CPNE5: variants seen among roughly 807,000 people sequenced by gnomAD.
The protein encoded by CPNE5 is copine 5.
In CPNE5, 42 loss-of-function variants were observed where a neutral mutation model predicts 81.1. The ratio of observed to expected loss-of-function variants is 0.52; its 90% CI spans 0.40 to 0.67. The LOEUF (loss-of-function observed/expected upper bound fraction) is 0.67, where lower values mean the gene tolerates loss of function less well. CPNE5 is among the 30% of genes least tolerant of loss of function. CPNE5 has a pLI of 0.00. For synonymous variants in CPNE5, 313 were observed against 321.5 expected (o/e 0.97, Z 0.28); for missense variants, 612 against 815.5 (o/e 0.75, Z 3.04).
intron 12 of CPNE5, among the ~76,000 whole-genome samples, chr6:36,760,052 CA>C (rs773932389): frequency 0.051 from 6,267 of 123,858 alleles, 213 homozygotes; most frequent in African/African-American, 0.11. Flanking sequence ...ACCAAAAATG[CA>C]AAAAAAAAAA....
chr6:36,805,578 G>A (rs1770520797), intron 3 of CPNE5, among the ~76,000 whole-genome samples: 1 of 152,198 alleles, frequency 6.6e-6, no homozygotes, highest in Non-Finnish European at 1.5e-5. Context: ...AGTGTGCACT[G>A]GGGAGGCTGA....
intron 1 of CPNE5, among the ~76,000 whole-genome samples, chr6:36,837,448 G>T (rs1349298582): frequency 6.6e-6 from 1 of 152,172 alleles, no homozygotes; most frequent in Non-Finnish European, 1.5e-5. Flanking sequence ...TGGAGTAGAG[G>T]GTGCATGGGT....
intron 1 of CPNE5, among the ~76,000 whole-genome samples, chr6:36,829,484 G>A (rs1157451227): frequency 7.9e-5 from 12 of 151,722 alleles, no homozygotes; most frequent in Non-Finnish European, 1.0e-4. Context: ...GTGACAGAGC[G>A]AGACCCTGTC....
In CPNE5 at chr6:36,746,336, CAG is replaced by C; in HGVS notation, c.1200+58_1200+59del. ...AGGAAGGGAAACGTCCCCCCACCCC[CAG>C]CTTGTCACCTCACCCCCAGCCTGAT... is the stretch of plus-strand genomic sequence containing the variant. On this transcript the variant is annotated intron_variant, in intron 16 of 20. Transcript: ENST00000244751. The surrounding 1 kb of genome is among the most constrained non-coding windows in gnomAD (Gnocchi z 4.5). The C allele has an allele frequency of 1.4e-6, 2 of 1,408,034 alleles. No individual in the cohort carries two copies. The highest frequency in any genetic ancestry group is 1.9e-6 in the Non-Finnish European group (2 of 1,049,468). 87.2% of individuals were successfully genotyped at this position (1,408,034 alleles called of 1,614,324 possible).
At chr6:36,800,133 G>C in intron 3 of CPNE5, 63 bp from the exon 4 acceptor site, 3 of 1,198,736 alleles carry the variant, frequency 2.5e-6, no homozygotes, top group Non-Finnish European at 3.6e-6. Flanking sequence ...GGTGGGGCAG[G>C]GGAGAGCACT....
At chr6:36,776,510 A>C (rs577925061) in intron 9 of CPNE5, among the ~76,000 whole-genome samples, 27 of 152,130 alleles carry the variant, frequency 1.8e-4, no homozygotes, top group Admixed American at 3.3e-4. Context: ...GGGCAGGAAG[A>C]GGAGCCTGGG....
chr6:36,772,062 C>G (rs996543128), intron 10 of CPNE5, among the ~76,000 whole-genome samples: 2 of 152,070 alleles, frequency 1.3e-5, no homozygotes, highest in Non-Finnish European at 1.5e-5. Context: ...GCCAGGCCTC[C>G]GAGCCCTGCT....
At chr6:36,822,046 C>T (rs372481842) in intron 3 of CPNE5, 68 bp downstream of exon 3, 187 of 1,414,196 alleles carry the variant, frequency 1.3e-4, no homozygotes, top group Non-Finnish European at 1.6e-4. Flanking sequence ...AAATTGCTCC[C>T]GAATTAGAGA....
At chr6:36,750,738 G>A (rs565694314) in intron 14 of CPNE5, among the ~76,000 whole-genome samples, 3 of 152,242 alleles carry the variant, frequency 2.0e-5, no homozygotes, top group African/African-American at 4.8e-5. Flanking sequence ...TGAAAGTCCC[G>A]CTCCCAGGGC....
intron 12 of CPNE5, among the ~76,000 whole-genome samples, chr6:36,762,302 A>C (rs1267956186): frequency 1.4e-5 from 2 of 140,710 alleles, no homozygotes; most frequent in Non-Finnish European, 3.1e-5. Flanking sequence ...ACACACATAC[A>C]TGCACACACA....
At chr6:36,742,631 G>T in intron 20 of CPNE5, 145 bp from the exon 21 acceptor site, 1 of 1,431,638 alleles carries the variant, frequency 7.0e-7, no homozygotes. Context: ...TTACCTGAGG[G>T]ACTGTATCCC....
In CPNE5 at chr6:36,742,014, T is replaced by C. The variant is rs1763617814; in HGVS notation, c.*254A>G. ...CCTTCCTGGCTGGGTTAGAGCCAGG[T>C]ATTGGGGAAGAAGAGAAGGGCTGGG... On this transcript the variant is annotated 3_prime_UTR_variant, in exon 21 of 21. Coordinates refer to ENST00000244751, the MANE Select transcript of CPNE5 (RefSeq NM_020939.2). The C allele has an allele frequency of 6.3e-6, 3 of 477,684 alleles. No individual in the cohort carries two copies. Among genetic ancestry groups the C allele is most frequent in the Non-Finnish European group, 1.1e-5 (3 of 268,882 alleles). 29.6% of individuals were successfully genotyped at this position (477,684 alleles called of 1,614,324 possible).
At chr6:36,803,020 AC>A (rs1228933191) in intron 3 of CPNE5, among the ~76,000 whole-genome samples, 1 of 152,090 alleles carries the variant, frequency 6.6e-6, no homozygotes, top group Non-Finnish European at 1.5e-5. Flanking sequence ...ACATCACTGT[AC>A]CCCAGCCTGA....
intron 11 of CPNE5, among the ~76,000 whole-genome samples, chr6:36,763,602 CAA>C (rs55880019): frequency 0.52 from 64,272 of 122,892 alleles, 15,278 homozygotes; most frequent in Middle Eastern, 0.57. Context: ...GACTCTATCT[CAA>C]AAAAAAAAAA....
chr6:36,826,516 G>A (rs549362841), intron 1 of CPNE5, among the ~76,000 whole-genome samples: 2 of 152,316 alleles, frequency 1.3e-5, no homozygotes, highest in East Asian at 1.9e-4. Flanking sequence ...CTGGCCTGGA[G>A]TGTGCAGCCC....
In CPNE5 at chr6:36,744,265, C is replaced by G; in HGVS notation, c.1489+3G>C. On this transcript the variant is annotated splice_donor_region_variant and intron_variant, in intron 19 of 20. Transcript: ENST00000244751. Reference sequence around the variant, plus strand: ...AGGAGGGGAAGGCAGCAGCTGGACTCACCGTCGAACTCTGCCTGGCCCACG... The same window carrying G: ...AGGAGGGGAAGGCAGCAGCTGGACTGACCGTCGAACTCTGCCTGGCCCACG... 6.3e-7 allele frequency: 1 copy of G among 1,575,998 alleles called. No individual in the cohort carries two copies. The highest frequency in any genetic ancestry group is 8.6e-7 in the Non-Finnish European group (1 of 1,161,010).
At chr6:36,743,844 C>T (rs749140745) in intron 19 of CPNE5, 82 bp from the exon 20 acceptor site, 25 of 1,235,920 alleles carry the variant, frequency 2.0e-5, no homozygotes, top group Non-Finnish European at 2.8e-5. Context: ...CTTGTCCTTT[C>T]ATCCCAGGCC....
At chr6:36,745,615 C>T (rs1472542838) in intron 16 of CPNE5, 100 bp from the exon 17 acceptor site, 14 of 1,354,386 alleles carry the variant, frequency 1.0e-5, no homozygotes, top group Non-Finnish European at 1.3e-5. Context: ...CAGGCCTGGG[C>T]TCCCCCAGGT....
intron 19 of CPNE5, 101 bp downstream of exon 19, chr6:36,744,167 G>T (rs912419699): frequency 3.1e-6 from 3 of 981,154 alleles, no homozygotes; most frequent in East Asian, 2.6e-5. Context: ...TTTGGGAGGG[G>T]TCATTCCCAG....
Sources: allele counts gnomAD v4.1 joint callset (sites outside exome capture counted in the v4.1 genomes callset), GRCh38; gene constraint gnomAD v4.1.1; non-coding constraint Gnocchi (gnomAD v3.1); transcripts MANE v1.5; gene names NCBI Gene and HGNC (gene_info 2026-07-23, HGNC 2026-07-21).